The following SCP2 variants were observed in gnomAD, a reference collection of about 807,000 sequenced individuals.
SCP2 encodes the protein SCP-2/3-oxoacyl-CoA thiolase.
SCP2 carries 48 observed loss-of-function variants against 71.4 expected under a neutral mutation model. That is an observed-to-expected ratio of 0.67 (90% CI 0.53 to 0.86). The LOEUF (loss-of-function observed/expected upper bound fraction) is 0.86, where lower values mean the gene tolerates loss of function less well. Ranked by LOEUF, SCP2 falls within the 40% of genes least tolerant of loss-of-function variation. The probability of loss-of-function intolerance (pLI) is 0.00; values close to 1 mark genes in which losing one functional copy is unlikely to be tolerated. For synonymous variants in SCP2, 220 were observed against 218.1 expected (o/e 1.01, Z -0.08); for missense variants, 560 against 655.6 (o/e 0.85, Z 1.59).
In SCP2 at chr1:53,017,919, A is replaced by G. The variant is rs1041590112; in HGVS notation, c.1235+2876A>G. 2.0e-5 allele frequency among the ~76,000 whole-genome samples: 3 copies of G among 152,298 alleles called. No individual in the cohort carries two copies. In the Middle Eastern group the frequency reaches 0.01, roughly 518 times the overall value. Reference sequence around the variant, plus strand: ...ACCCAGGCTGCAGTGCAATGGCACAATCTCGGCTCACTGCAACCTCCGCCT... The same window carrying G: ...ACCCAGGCTGCAGTGCAATGGCACAGTCTCGGCTCACTGCAACCTCCGCCT... On this transcript the variant is annotated intron_variant, in intron 12 of 15. Coordinates refer to ENST00000371514, the MANE Select transcript of SCP2 (RefSeq NM_002979.5).
At position 52,947,887 on chromosome 1, in the gene SCP2, C is replaced by T. The variant is rs1351319489; in HGVS notation, c.128-122C>T. The T allele has an allele frequency of 4.2e-6, 3 of 714,686 alleles. 1 individual carries two copies. Among genetic ancestry groups the T allele is most frequent in the African/African-American group, 3.5e-5 (2 of 56,752 alleles). The allele number at this position is 714,686 out of a possible 1,614,324, so 44.3% of individuals were successfully genotyped here. A position where few individuals can be genotyped will look rare whatever the true frequency, so the allele number is the denominator to read the frequency against. On this transcript the variant is annotated intron_variant, in intron 2 of 15. Transcript: ENST00000371514. ...TGACATGATTTGATGAAGGATTTGT[C>T]ATTTGAATTGAGCATAGACTATATA...
In SCP2 at chr1:53,028,034, A is replaced by C; in HGVS notation, c.1301A>C (p.Asn434Thr). ...TCTGCAAGTGATGGATTTAAGGCAAATCTTGTTTTTAAGGAGATTGAGAAG... is the reference window on the plus strand; with the variant it reads ...TCTGCAAGTGATGGATTTAAGGCAACTCTTGTTTTTAAGGAGATTGAGAAG... ...TSSASDGFKA[N>T]LVFKEIEKKL... Residue 434 changes from asparagine (N) to threonine (T), a missense_variant, in exon 13 of 16, where the codon AAT becomes ACT. Transcript: ENST00000371514. 6.2e-7 allele frequency: 1 copy of C among 1,610,594 alleles called. No individual in the cohort carries two copies. Among genetic ancestry groups the C allele is most frequent in the Non-Finnish European group, 8.5e-7 (1 of 1,176,934 alleles).
rs371445494 is a variant in SCP2, at chr1:52,994,758, G to A, written c.1081+6622G>A. Reference sequence around the variant, plus strand: ...AAATCGTGCACATCCAGGCCTGTCAGTGTGGCAACCGGATGGGTGCCAAGT... The same window carrying A: ...AAATCGTGCACATCCAGGCCTGTCAATGTGGCAACCGGATGGGTGCCAAGT... On this transcript the variant is annotated intron_variant, in intron 11 of 15. Transcript: ENST00000371514. 1.3e-4 allele frequency: 89 copies of A among 673,276 alleles called. No individual in the cohort carries two copies. In the East Asian group the frequency reaches 3.5e-3, roughly 26 times the overall value. The allele number at this position is 673,276 out of a possible 1,614,324, so 41.7% of individuals were successfully genotyped here. A position where few individuals can be genotyped will look rare whatever the true frequency, so the allele number is the denominator to read the frequency against.
chr1:52,948,299 AT>A (rs1654984192), intron 3 of SCP2, among the ~76,000 whole-genome samples: 1 of 152,092 alleles, frequency 6.6e-6, no homozygotes, highest in Non-Finnish European at 1.5e-5. Flanking sequence ...ACCTAGTGTA[AT>A]TTTTCTTTTG....
At chr1:53,015,961 C>A (rs1473791442) in intron 12 of SCP2, among the ~76,000 whole-genome samples, 1 of 152,088 alleles carries the variant, frequency 6.6e-6, no homozygotes, top group Non-Finnish European at 1.5e-5. Context: ...TCCCTTTTTT[C>A]TTTTGAAATT....
chr1:52,945,532 A>G (rs1442813662), intron 2 of SCP2, among the ~76,000 whole-genome samples: 1 of 152,052 alleles, frequency 6.6e-6, no homozygotes, highest in African/African-American at 2.4e-5. Context: ...TGAAAACTCC[A>G]TCTCTACTAA....
chr1:52,985,996 G>A (rs1572142031), intron 10 of SCP2, among the ~76,000 whole-genome samples: 1 of 151,910 alleles, frequency 6.6e-6, no homozygotes, highest in South Asian at 2.1e-4. Context: ...TATATTGTCT[G>A]TCTTTTCCTC....
chr1:53,047,184 TGGCCCTCTCC>T (rs1663875248), intron 14 of SCP2, among the ~76,000 whole-genome samples: 2 of 152,260 alleles, frequency 1.3e-5, no homozygotes, highest in Admixed American at 6.5e-5. Flanking sequence ...CCCTGCCACG[TGGCCCTCTCC>T]ATAGGAAGTC....
intron 11 of SCP2, 29 bp from the exon 12 acceptor site, chr1:53,014,861 A>C (rs781196271): frequency 2.0e-5 from 32 of 1,611,228 alleles, no homozygotes; most frequent in Non-Finnish European, 2.7e-5. Flanking sequence ...TGGTGGAAGC[A>C]GCTCAGTGCT....
intron 1 of SCP2, 89 bp downstream of exon 1, chr1:52,927,554 A>G: frequency 2.0e-6 from 2 of 978,612 alleles, no homozygotes; most frequent in Admixed American, 2.0e-5. Flanking sequence ...CCTAGCTTCG[A>G]CTGCTCCGCG....
rs555574567 is a variant in SCP2, at chr1:52,979,734, C to T, written c.826-662C>T. 4.6e-5 allele frequency among the ~76,000 whole-genome samples: 7 copies of T among 152,186 alleles called. No homozygotes were observed. The East Asian group carries it at 1.4e-3, about 29-fold the overall frequency. On this transcript the variant is annotated intron_variant, in intron 9 of 15. Coordinates refer to ENST00000371514, the MANE Select transcript of SCP2 (RefSeq NM_002979.5). ...TTGACAGAAGTTTTGTAACTTAGCA[C>T]AAGATATGCTCTGAGGAATTCTAGG...
chr1:52,976,623 T>C, intron 7 of SCP2, 60 bp from the exon 8 acceptor site: 3 of 882,510 alleles, frequency 3.4e-6, no homozygotes. Flanking sequence ...TTTCTTACTC[T>C]GCAACAAAAA....
intron 1 of SCP2, among the ~76,000 whole-genome samples, chr1:52,928,339 T>C (rs1652732983): frequency 6.6e-6 from 1 of 152,238 alleles, no homozygotes; most frequent in Non-Finnish European, 1.5e-5. Context: ...ACGTTCCTGA[T>C]GCTTGAAGAC....
intron 1 of SCP2, among the ~76,000 whole-genome samples, chr1:52,932,599 T>C (rs1653263450): frequency 6.6e-6 from 1 of 152,170 alleles, no homozygotes; most frequent in African/African-American, 2.4e-5. Flanking sequence ...CAGTTTGGAA[T>C]ATGTTCTGGA....
intron 6 of SCP2, among the ~76,000 whole-genome samples, chr1:52,968,050 C>A (rs1020599601): frequency 1.3e-5 from 2 of 152,182 alleles, no homozygotes; most frequent in Admixed American, 6.5e-5. Context: ...AAGCAATTCT[C>A]CTGCCCCAGC....
At chr1:52,953,826 C>CA (rs59323328) in intron 4 of SCP2, among the ~76,000 whole-genome samples, 1,265 of 97,614 alleles carry the variant, frequency 0.013, 23 homozygotes, top group South Asian at 0.012. Flanking sequence ...CCATCTTTAC[C>CA]AAAAAAAAAA....
chr1:53,037,879 TACACACACACACACACACACACAC>T (rs34293671), intron 13 of SCP2, among the ~76,000 whole-genome samples: 19 of 84,624 alleles, frequency 2.2e-4, no homozygotes, highest in South Asian at 5.2e-4. Context: ...TGTCTCTACA[TACACACACACACACACACACACAC>T]ACACACACAC....
At chr1:52,980,656 C>T in intron 10 of SCP2, 113 bp downstream of exon 10, 2 of 1,082,856 alleles carry the variant, frequency 1.8e-6, no homozygotes, top group Non-Finnish European at 2.8e-6. Flanking sequence ...TTGGCTCTGC[C>T]ACACTGTGGG....
intron 7 of SCP2, among the ~76,000 whole-genome samples, chr1:52,975,767 T>A (rs1055076562): frequency 6.6e-6 from 1 of 152,232 alleles, no homozygotes; most frequent in Admixed American, 6.5e-5. Flanking sequence ...TCTGTTTTAA[T>A]CCCCAACTGG....
Sources: allele counts gnomAD v4.1 joint callset (sites outside exome capture counted in the v4.1 genomes callset), GRCh38; gene constraint gnomAD v4.1.1; transcripts MANE v1.5; gene names NCBI Gene and HGNC (gene_info 2026-07-23, HGNC 2026-07-21).